Variants in CPS1 observed in about 807,000 individuals in gnomAD.
CPS1 encodes carbamoyl-phosphate synthase 1.
In CPS1, 109 loss-of-function variants were observed where a neutral mutation model predicts 174.6. The ratio of observed to expected loss-of-function variants is 0.62; its 90% CI spans 0.53 to 0.73. CPS1 has a LOEUF of 0.73. CPS1 is among the 30% of genes least tolerant of loss of function. The pLI, the probability that CPS1 is intolerant of heterozygous loss-of-function variation, is 0.00. For synonymous variants in CPS1, 637 were observed against 632.0 expected (o/e 1.01, Z -0.12); for missense variants, 1,689 against 1,821.9 (o/e 0.93, Z 1.33).
At chr2:210,557,235 AGT>A (rs1696943094) in intron 1 of CPS1, among the ~76,000 whole-genome samples, 1 of 152,114 alleles carries the variant, frequency 6.6e-6, no homozygotes, top group African/African-American at 2.4e-5. Flanking sequence ...TATGGTACAC[AGT>A]GTGTTAAGGT....
intron 21 of CPS1, among the ~76,000 whole-genome samples, chr2:210,633,147 T>C (rs1014905661): frequency 3.3e-5 from 5 of 152,236 alleles, no homozygotes; most frequent in African/African-American, 1.2e-4. Flanking sequence ...ACAATCATTA[T>C]TTTGTGTTAC....
Position 210,490,975 on chromosome 2 carries a change from T to C in CPS1, c.3+13209T>C, listed in dbSNP as rs145137525. ...TCCCTAGGATCCCTCATCTGTAAGATATAGAATGTTCTAGGGGCAAAGTTG... is the reference window on the plus strand; with the variant it reads ...TCCCTAGGATCCCTCATCTGTAAGACATAGAATGTTCTAGGGGCAAAGTTG... On this transcript the variant is annotated intron_variant, in intron 1 of 38. Coordinates refer to the CPS1 transcript ENST00000430249. Among the ~76,000 whole-genome samples the C allele has an allele frequency of 6.8e-4, 103 of 152,326 alleles. No homozygotes were observed. The East Asian group carries it at 0.018, about 27-fold the overall frequency.
chr2:210,600,303 A>G (rs1477101518), intron 14 of CPS1, among the ~76,000 whole-genome samples: 1 of 151,888 alleles, frequency 6.6e-6, no homozygotes, highest in Non-Finnish European at 1.5e-5. Context: ...GTATAATACT[A>G]TGACTTTTAT....
rs2247708 is a variant in CPS1, at chr2:210,535,359, C to T, written c.4-21360C>T. Among the ~76,000 whole-genome samples the T allele has an allele frequency of 3.3e-5, 5 of 151,906 alleles. No individual in the cohort carries two copies. In the East Asian group the frequency reaches 9.7e-4, roughly 29 times the overall value. ...TCAATAGGCTCAATCTCTCTTACCC[C>T]GTTCCCCTCCCAATCCCTCCACATA... On this transcript the variant is annotated intron_variant, in intron 1 of 38. Transcript: ENST00000430249.
In CPS1 at chr2:210,556,684, T is replaced by A; in HGVS notation, c.-50T>A. ...TTAACTAAAAAGTCTTATCACACAA[T>A]CTCATAAAATTTATGTAATTTCATT... is the stretch of plus-strand genomic sequence containing the variant. On this transcript the variant is annotated 5_prime_UTR_variant, in exon 1 of 38. Coordinates refer to ENST00000233072, the MANE Select transcript of CPS1 (RefSeq NM_001875.5). The A allele has an allele frequency of 6.2e-7, 1 of 1,608,770 alleles. No individual in the cohort carries two copies. The highest frequency in any genetic ancestry group is 8.5e-7 in the Non-Finnish European group (1 of 1,177,262).
chr2:210,556,522 C>A, upstream of CPS1: 1 of 1,431,988 alleles, frequency 7.0e-7, no homozygotes, highest in Non-Finnish European at 9.4e-7. Flanking sequence ...CATCTCTGGA[C>A]ATTACCTCAG....
At chr2:210,671,573 T>TTCAA (rs1410194981) in intron 34 of CPS1, 1 of 152,228 alleles carries the variant, frequency 6.6e-6, no homozygotes, top group Non-Finnish European at 1.5e-5. Flanking sequence ...CACAGGTATT[T>TTCAA]TCAATCAGCT....
chr2:210,666,779 C>A (rs772296080), intron 33 of CPS1, among the ~76,000 whole-genome samples: 4 of 152,142 alleles, frequency 2.6e-5, no homozygotes, highest in Non-Finnish European at 5.9e-5. Flanking sequence ...CAGCTTTGTT[C>A]TTTTGACTTA....
At chr2:210,594,413 T>C (rs1377825961) in intron 11 of CPS1, 95 bp from the exon 12 acceptor site, 2 of 814,064 alleles carry the variant, frequency 2.5e-6, no homozygotes, top group Non-Finnish European at 4.1e-6. Context: ...ATTTGTTGCT[T>C]ATCTGAAGTT....
intron 16 of CPS1, 54 bp downstream of exon 16, chr2:210,602,384 A>T (rs1218130628): frequency 5.7e-6 from 9 of 1,589,946 alleles, no homozygotes; most frequent in African/African-American, 2.7e-5. Flanking sequence ...GGCTTGATAG[A>T]CCTTTTCAAC....
intron 1 of CPS1, among the ~76,000 whole-genome samples, chr2:210,500,067 G>C (rs1024923732): frequency 6.6e-6 from 1 of 152,068 alleles, no homozygotes; most frequent in African/African-American, 2.4e-5. Flanking sequence ...GAGAATGAGT[G>C]CCAAGCAAAG....
At chr2:210,554,060 A>G (rs1696798972), upstream of CPS1, among the ~76,000 whole-genome samples, 1 of 149,164 alleles carries the variant, frequency 6.7e-6, no homozygotes, top group African/African-American at 2.5e-5. Context: ...TGGACCATAA[A>G]ATATATATAC....
chr2:210,489,635 A>G (rs930301200), intron 1 of CPS1, among the ~76,000 whole-genome samples: 12 of 152,094 alleles, frequency 7.9e-5, no homozygotes, highest in Non-Finnish European at 1.8e-4. Context: ...AAAGAAGAAA[A>G]TTTGGTTTAA....
chr2:210,625,257 T>A (rs1699663567), intron 21 of CPS1, among the ~76,000 whole-genome samples: 1 of 152,052 alleles, frequency 6.6e-6, no homozygotes, highest in African/African-American at 2.4e-5. Flanking sequence ...TTGTGCTAGT[T>A]CCAAAGCCAT....
chr2:210,523,521 G>A (rs1695884067), intron 1 of CPS1, among the ~76,000 whole-genome samples: 1 of 151,820 alleles, frequency 6.6e-6, no homozygotes, highest in Non-Finnish European at 1.5e-5. Context: ...CGAGTCTCCA[G>A]TGTCTTTTAT....
intron 21 of CPS1, among the ~76,000 whole-genome samples, chr2:210,629,564 C>T (rs1226518941): frequency 6.6e-6 from 1 of 151,768 alleles, no homozygotes; most frequent in East Asian, 2.0e-4. Flanking sequence ...ATCCGCCCGC[C>T]TCGGCCTCTC....
chr2:210,605,365 T>C, intron 17 of CPS1, 119 bp downstream of exon 17: 1 of 1,102,112 alleles, frequency 9.1e-7, no homozygotes, highest in Non-Finnish European at 1.4e-6. Context: ...AGACTAGTGA[T>C]AACATTTTGG....
intron 6 of CPS1, among the ~76,000 whole-genome samples, chr2:210,584,642 T>C (rs1698046780): frequency 6.6e-6 from 1 of 152,058 alleles, no homozygotes; most frequent in Admixed American, 6.6e-5. Context: ...AAACTCCATG[T>C]CATAGATGAA....
At chr2:210,487,265 C>T (rs1313853380) in intron 1 of CPS1, among the ~76,000 whole-genome samples, 1 of 152,166 alleles carries the variant, frequency 6.6e-6, no homozygotes, top group Non-Finnish European at 1.5e-5. Flanking sequence ...CTGCTTCTTC[C>T]CTGTTGGCTT....
Sources: allele counts gnomAD v4.1 joint callset (sites outside exome capture counted in the v4.1 genomes callset), GRCh38; gene constraint gnomAD v4.1.1; transcripts MANE v1.5; gene names NCBI Gene and HGNC (gene_info 2026-07-23, HGNC 2026-07-21).